Variants in CSNK2A2IP observed in about 807,000 individuals in gnomAD.
CSNK2A2IP encodes the protein casein kinase II subunit alpha'-interacting protein.
chr3:88,409,645 T>C, the CSNK2A2IP span, among the ~76,000 whole-genome samples: 5 of 152,032 alleles, frequency 3.3e-5, no homozygotes, highest in Admixed American at 6.6e-5. Context: ...TTAGGACAAA[T>C]TATAGCACAC....
At chr3:88,433,826 G>A in the CSNK2A2IP span, among the ~76,000 whole-genome samples, 1 of 152,118 alleles carries the variant, frequency 6.6e-6, no homozygotes. Context: ...ACTTATAGCT[G>A]TTGCCTCTGC....
chr3:88,346,610 G>C, the CSNK2A2IP span, among the ~76,000 whole-genome samples: 1 of 151,942 alleles, frequency 6.6e-6, no homozygotes, highest in East Asian at 1.9e-4. Flanking sequence ...TGTTTACAGG[G>C]TGATTTATTG....
chr3:88,405,086 A>G, the CSNK2A2IP span, among the ~76,000 whole-genome samples: 1 of 152,046 alleles, frequency 6.6e-6, no homozygotes, highest in East Asian at 1.9e-4. Context: ...TCCTCTTAGT[A>G]ATTTTCCATC....
At chr3:88,379,466 G>T in the CSNK2A2IP span, among the ~76,000 whole-genome samples, 1 of 152,048 alleles carries the variant, frequency 6.6e-6, no homozygotes, top group Non-Finnish European at 1.5e-5. Flanking sequence ...TAATATGCTT[G>T]TGCAATTAAT....
the CSNK2A2IP span, among the ~76,000 whole-genome samples, chr3:88,341,168 A>T: frequency 2.6e-5 from 4 of 151,908 alleles, no homozygotes; most frequent in Non-Finnish European, 5.9e-5. Context: ...TTTTCATTTT[A>T]GGGTTTTATT....
At chr3:88,348,504 TA>T in the CSNK2A2IP span, among the ~76,000 whole-genome samples, 1 of 152,084 alleles carries the variant, frequency 6.6e-6, no homozygotes, top group African/African-American at 2.4e-5. Context: ...ATTTGTTTTT[TA>T]TTCTAAGTTA....
the CSNK2A2IP span, among the ~76,000 whole-genome samples, chr3:88,347,613 A>G: frequency 6.6e-6 from 1 of 152,062 alleles, no homozygotes; most frequent in African/African-American, 2.4e-5. Context: ...GCTATTGCAC[A>G]ATTAATAGAC....
At chr3:88,432,243 T>G in the CSNK2A2IP span, among the ~76,000 whole-genome samples, 1 of 151,896 alleles carries the variant, frequency 6.6e-6, no homozygotes, top group East Asian at 1.9e-4. Context: ...GAAAGGAATG[T>G]TTTAGGAAAC....
At chr3:88,379,510 C>T in the CSNK2A2IP span, among the ~76,000 whole-genome samples, 13 of 152,002 alleles carry the variant, frequency 8.6e-5, no homozygotes, top group African/African-American at 3.1e-4. Context: ...TCATAATGTC[C>T]TGAAAGTTCT....
At chr3:88,413,801 T>C in the CSNK2A2IP span, among the ~76,000 whole-genome samples, 1 of 151,972 alleles carries the variant, frequency 6.6e-6, no homozygotes, top group African/African-American at 2.4e-5. Context: ...AGAAGTGTGA[T>C]TAATTAATAA....
the CSNK2A2IP span, among the ~76,000 whole-genome samples, chr3:88,354,233 C>A: frequency 2.6e-5 from 4 of 152,128 alleles, no homozygotes. Flanking sequence ...CTTAGGTATT[C>A]TTTTATGGCA....
At chr3:88,396,685 G>A in the CSNK2A2IP span, among the ~76,000 whole-genome samples, 1 of 152,214 alleles carries the variant, frequency 6.6e-6, no homozygotes, top group African/African-American at 2.4e-5. Flanking sequence ...AGATACCTTA[G>A]TGGCTAGATA....
At chr3:88,446,548 C>T in the CSNK2A2IP span, among the ~76,000 whole-genome samples, 1 of 152,172 alleles carries the variant, frequency 6.6e-6, no homozygotes, top group Admixed American at 6.5e-5. Context: ...GAGTTAGTTA[C>T]TGCCACAGTG....
At chr3:88,383,586 A>C in the CSNK2A2IP span, among the ~76,000 whole-genome samples, 1 of 150,962 alleles carries the variant, frequency 6.6e-6, no homozygotes, top group Admixed American at 6.6e-5. Context: ...TTTGTTAGTC[A>C]TAGGCTAGAT....
the CSNK2A2IP span, among the ~76,000 whole-genome samples, chr3:88,416,610 G>A: frequency 6.6e-6 from 1 of 152,154 alleles, no homozygotes; most frequent in Admixed American, 6.5e-5. Context: ...TGAAACACTT[G>A]CTATACCATA....
the CSNK2A2IP span, among the ~76,000 whole-genome samples, chr3:88,400,314 C>A: frequency 6.6e-6 from 1 of 152,058 alleles, no homozygotes; most frequent in Non-Finnish European, 1.5e-5. Context: ...CTGAATGATC[C>A]TTTTTAGTTT....
At chr3:88,388,622 G>A in the CSNK2A2IP span, among the ~76,000 whole-genome samples, 2 of 152,192 alleles carry the variant, frequency 1.3e-5, no homozygotes, top group South Asian at 2.1e-4. Context: ...GAAAAAAGTT[G>A]GTTTATTAAC....
At chr3:88,339,544 T>C in the CSNK2A2IP span, among the ~76,000 whole-genome samples, 1 of 152,076 alleles carries the variant, frequency 6.6e-6, no homozygotes, top group Non-Finnish European at 1.5e-5. Flanking sequence ...ATTTCTTTTC[T>C]TTAAGCTTTA....
chr3:88,398,168 T>G, the CSNK2A2IP span, among the ~76,000 whole-genome samples: 1 of 152,150 alleles, frequency 6.6e-6, no homozygotes, highest in Non-Finnish European at 1.5e-5. Context: ...TTATGGCCAC[T>G]GGAATTGTTC....
Sources: allele counts gnomAD v4.1 joint callset (sites outside exome capture counted in the v4.1 genomes callset), GRCh38; gene constraint gnomAD v4.1.1; transcripts MANE v1.5; gene names NCBI Gene and HGNC (gene_info 2026-07-23, HGNC 2026-07-21).